Variants in NOSTRIN observed in about 807,000 individuals in gnomAD.
NOSTRIN encodes the protein nitric oxide synthase trafficking.
In NOSTRIN, 63 loss-of-function variants were observed where a neutral mutation model predicts 59.0. The observed-to-expected ratio is 1.07, with a 90% CI of 0.87 to 1.32. The LOEUF is 1.32. Among genes scored for constraint, NOSTRIN ranks in the 40% most tolerant of loss-of-function variants. The pLI is 0.00. For synonymous variants in NOSTRIN, 200 were observed against 165.4 expected (o/e 1.21, Z -1.61); for missense variants, 512 against 473.1 (o/e 1.08, Z -0.76).
rs777318269 is a variant in NOSTRIN at position 168,862,048 on chromosome 2, G to A, written c.1383G>A (p.Lys461=). The A allele has an allele frequency of 1.2e-6, 2 of 1,613,454 alleles. No homozygotes were observed. Among genetic ancestry groups the A allele is most frequent in the Non-Finnish European group, 1.7e-6 (2 of 1,179,432 alleles). The change falls in exon 15 of 16, where the codon AAG becomes AAA. Residue 461 remains lysine, a splice_region_variant and synonymous_variant. Transcript: ENST00000317647. The part of the protein sequence containing the change: ...ARQDDELNLE[K]GDIVIIHEKK... ...AAGATGATGAGTTGAATTTGGAAAA[G>A]GGTAAGAATCATTCTCAAATATTTT...
intron 3 of NOSTRIN, among the ~76,000 whole-genome samples, chr2:168,826,034 G>A (rs565412888): frequency 1.3e-5 from 2 of 152,366 alleles, no homozygotes; most frequent in East Asian, 3.9e-4. Flanking sequence ...TAACAGGTGA[G>A]TGACCTAGGA....
At chr2:168,794,955 G>A (rs573306565), upstream of NOSTRIN, among the ~76,000 whole-genome samples, 9 of 152,160 alleles carry the variant, frequency 5.9e-5, no homozygotes, top group South Asian at 1.2e-3. Flanking sequence ...AAGTGCAAAA[G>A]GAAATCCAGT....
chr2:168,847,324 G>A (rs928506564), intron 8 of NOSTRIN, among the ~76,000 whole-genome samples: 3 of 152,060 alleles, frequency 2.0e-5, no homozygotes, highest in South Asian at 2.1e-4. Context: ...TTTTTTGTGG[G>A]CCTCTGTGGC....
rs1234338585 is a variant in NOSTRIN, at chr2:168,865,128, G to C, written c.*158G>C. On this transcript the variant is annotated 3_prime_UTR_variant, in exon 16 of 16. Transcript: ENST00000317647. ...ACTTTGCATTCATGATTATTAGCTTGAAACAGTCAGAAAAAAGATGGATGG... is the reference window on the plus strand; with the variant it reads ...ACTTTGCATTCATGATTATTAGCTTCAAACAGTCAGAAAAAAGATGGATGG... 1 of 763,066 alleles carries C rather than the reference G, an allele frequency of 1.3e-6. No homozygotes were observed. Among genetic ancestry groups the C allele is most frequent in the Non-Finnish European group, 2.0e-6 (1 of 488,800 alleles). 47.3% of individuals were successfully genotyped at this position (763,066 alleles called of 1,614,324 possible). A position where few individuals can be genotyped will look rare whatever the true frequency, so the allele number is the denominator to read the frequency against.
At chr2:168,794,705 G>A (rs1206661229), upstream of NOSTRIN, among the ~76,000 whole-genome samples, 1 of 152,138 alleles carries the variant, frequency 6.6e-6, no homozygotes, top group Non-Finnish European at 1.5e-5. Flanking sequence ...ACCTAAGTTC[G>A]AGTGGACAGG....
chr2:168,813,380 A>C (rs940990075), intron 2 of NOSTRIN, among the ~76,000 whole-genome samples: 10 of 152,184 alleles, frequency 6.6e-5, no homozygotes, highest in Admixed American at 2.0e-4. Context: ...CCTGCTGCTA[A>C]ACAGACTCAA....
intron 2 of NOSTRIN, among the ~76,000 whole-genome samples, chr2:168,788,876 C>T (rs1685271030): frequency 6.8e-6 from 1 of 148,008 alleles, no homozygotes; most frequent in South Asian, 2.2e-4. Flanking sequence ...TGTGCGTATA[C>T]ACACACACAG....
chr2:168,795,614 T>A (rs1241192670), upstream of NOSTRIN, among the ~76,000 whole-genome samples: 2 of 152,198 alleles, frequency 1.3e-5, no homozygotes, highest in African/African-American at 4.8e-5. Context: ...TGGACATGCA[T>A]AATAAAAATT....
intron 1 of NOSTRIN, among the ~76,000 whole-genome samples, chr2:168,803,914 T>C (rs1685717792): frequency 6.6e-6 from 1 of 152,182 alleles, no homozygotes; most frequent in Admixed American, 6.5e-5. Context: ...TTAAATCCTC[T>C]CCTGTCTCAA....
chr2:168,834,550 A>G (rs1687609550), intron 7 of NOSTRIN, among the ~76,000 whole-genome samples: 2 of 100,602 alleles, frequency 2.0e-5, no homozygotes, highest in African/African-American at 8.0e-5. Flanking sequence ...CACCACATAC[A>G]TTTTAAACTT....
rs755489701 is a variant in NOSTRIN at position 168,843,046 on chromosome 2, T to G, written c.559T>G (p.Tyr187Asp). ...TEKLEKEDENYYQKNMAGYST... is the reference protein window; with the variant it reads ...TEKLEKEDENDYQKNMAGYST... ...AAAGTTGGAAAAGGAAGATGAAAAT[T>G]ACTACCAAAAAAACATGGCGGGTTA... is the stretch of plus-strand genomic sequence containing the variant. Residue 187 changes from tyrosine (Y) to aspartate (D), a missense_variant, in exon 8 of 16, where the codon TAC (tyrosine) becomes GAC (aspartate). By Grantham distance (160) the Tyr-to-Asp change is radical. Coordinates refer to ENST00000317647, the MANE Select transcript of NOSTRIN (RefSeq NM_001039724.4). 3 of 872,500 alleles carry G rather than the reference T, an allele frequency of 3.4e-6. No individual in the cohort carries two copies. The South Asian group carries it at 3.9e-5, about 11-fold the overall frequency. 54.0% of individuals were successfully genotyped at this position (872,500 alleles called of 1,614,324 possible).
chr2:168,834,507 G>GCGCGCGCACACGCA (rs756381301), intron 7 of NOSTRIN, among the ~76,000 whole-genome samples, 182 bp downstream of exon 7: 1 of 125,342 alleles, frequency 8.0e-6, no homozygotes, highest in Non-Finnish European at 1.7e-5. Context: ...GCGCGCGCGC[G>GCGCGCGCACACGCA]CACACACACA....
intron 12 of NOSTRIN, among the ~76,000 whole-genome samples, chr2:168,857,532 T>C (rs911627144): frequency 1.3e-5 from 2 of 152,112 alleles, no homozygotes; most frequent in South Asian, 2.1e-4. Flanking sequence ...TCTAGCCCCA[T>C]AGACATTCGT....
At chr2:168,788,240 CAAA>C (rs5836201) in intron 2 of NOSTRIN, among the ~76,000 whole-genome samples, 106 of 126,832 alleles carry the variant, frequency 8.4e-4, no homozygotes, top group South Asian at 5.3e-3. Flanking sequence ...GATCCTACCT[CAAA>C]AAAAAAAAAA....
chr2:168,798,534 G>A (rs545402554), upstream of NOSTRIN, among the ~76,000 whole-genome samples: 8 of 152,276 alleles, frequency 5.3e-5, no homozygotes, highest in South Asian at 2.1e-4. Flanking sequence ...AAGGGAATCC[G>A]TTGCAGGTTT....
intron 10 of NOSTRIN, among the ~76,000 whole-genome samples, chr2:168,854,989 T>C (rs1011029022): frequency 2.0e-5 from 3 of 152,178 alleles, no homozygotes; most frequent in African/African-American, 7.2e-5. Context: ...GATATTACAT[T>C]TGGGCCATTA....
chr2:168,843,633 A>C (rs1413177417), intron 8 of NOSTRIN, among the ~76,000 whole-genome samples: 3 of 152,264 alleles, frequency 2.0e-5, no homozygotes, highest in African/African-American at 7.2e-5. Context: ...TATGTCAGCA[A>C]GCACATCACA....
At chr2:168,816,420 C>G (rs1432872179) in intron 2 of NOSTRIN, among the ~76,000 whole-genome samples, 1 of 152,122 alleles carries the variant, frequency 6.6e-6, no homozygotes, top group African/African-American at 2.4e-5. Context: ...TTCCGTCTCC[C>G]CATGATCCCT....
At chr2:168,847,265 T>C (rs953386626) in intron 8 of NOSTRIN, among the ~76,000 whole-genome samples, 2 of 152,182 alleles carry the variant, frequency 1.3e-5, no homozygotes, top group African/African-American at 4.8e-5. Flanking sequence ...TATATCAATA[T>C]GTTAATAGCA....
Sources: gnomAD v4.1 joint callset for allele counts (sites outside exome capture counted in the v4.1 genomes callset) on GRCh38, gnomAD v4.1.1 for gene constraint, MANE v1.5 for transcripts, NCBI Gene and HGNC (gene_info 2026-07-23, HGNC 2026-07-21) for gene names.